Variants in PPP3CB observed in about 807,000 individuals in gnomAD.
The protein encoded by PPP3CB is serine/threonine-protein phosphatase 2B catalytic subunit beta isoform.
Under a neutral mutation model 66.4 loss-of-function variants are expected in PPP3CB, and 8 were observed. The observed-to-expected ratio is 0.12, with a 90% confidence interval of 0.07 to 0.22. PPP3CB has a LOEUF of 0.22. Ranked by LOEUF, PPP3CB falls within the 10% of genes least tolerant of loss-of-function variation. The pLI, the probability that PPP3CB is intolerant of heterozygous loss-of-function variation, is 1.00. For missense variants in PPP3CB, 319 were observed against 642.5 expected (o/e 0.50, Z 5.44); for synonymous variants, 208 against 221.2 (o/e 0.94, Z 0.53).
chr10:73,488,979 G>A (rs1032394944), intron 1 of PPP3CB, among the ~76,000 whole-genome samples: 10 of 152,178 alleles, frequency 6.6e-5, no homozygotes, highest in African/African-American at 2.2e-4. Context: ...ACTTGGGGTA[G>A]TTTCTTAATG....
At chr10:73,439,931 A>G (rs189514060) in intron 12 of PPP3CB, 30 bp from the exon 13 acceptor site, 15 of 1,604,926 alleles carry the variant, frequency 9.3e-6, no homozygotes, top group Non-Finnish European at 1.2e-5. Context: ...GGCATGCAAA[A>G]TGAATGAGAG....
intron 10 of PPP3CB, among the ~76,000 whole-genome samples, chr10:73,453,224 C>G (rs944069613): frequency 9.9e-5 from 15 of 152,206 alleles, no homozygotes; most frequent in Non-Finnish European, 1.9e-4. Flanking sequence ...TGGTAGTTCA[C>G]AGCTAAAACG....
At chr10:73,474,755 C>T (rs1190728379) in intron 4 of PPP3CB, among the ~76,000 whole-genome samples, 164 bp downstream of exon 4, 3 of 152,108 alleles carry the variant, frequency 2.0e-5, no homozygotes, top group Admixed American at 6.5e-5. Context: ...CTTCTTAATA[C>T]CATTAAACAC....
Position 73,439,580 on chromosome 10 carries a change from A to AGCTATACTGTATAGCATAACAT in PPP3CB, c.1396+270_1396+291dup, listed in dbSNP as rs549037023. ...TCCATTAAAACAGGCAACTTTATAAAGCTATACTGTATAGCATAACATGCT... is the reference window on the plus strand; with the variant it reads ...TCCATTAAAACAGGCAACTTTATAAAGCTATACTGTATAGCATAACATGCTATACTGTATAGCATAACATGCT... On this transcript the variant is annotated intron_variant, in intron 13 of 13. Coordinates refer to ENST00000360663, the MANE Select transcript of PPP3CB (RefSeq NM_021132.4). 1.5e-4 allele frequency among the ~76,000 whole-genome samples: 23 copies of AGCTATACTGTATAGCATAACAT among 152,328 alleles called. No individual in the cohort carries two copies. The South Asian group carries it at 4.8e-3, about 32-fold the overall frequency.
At chr10:73,490,536 A>AT (rs963088668) in intron 1 of PPP3CB, among the ~76,000 whole-genome samples, 2 of 152,178 alleles carry the variant, frequency 1.3e-5, no homozygotes, top group African/African-American at 4.8e-5. Flanking sequence ...TATAAAAAAC[A>AT]TTTTTTATGG....
chr10:73,440,910 T>C (rs1246782632), intron 12 of PPP3CB, among the ~76,000 whole-genome samples: 2 of 152,232 alleles, frequency 1.3e-5, no homozygotes, highest in African/African-American at 4.8e-5. Flanking sequence ...ATTCTTTTTT[T>C]CGCTCATTTC....
chr10:73,444,629 G>C, intron 12 of PPP3CB, 96 bp downstream of exon 12: 1 of 1,570,438 alleles, frequency 6.4e-7, no homozygotes, highest in Non-Finnish European at 8.6e-7. Flanking sequence ...CTAAAAAACA[G>C]AAGGAATTCC....
chr10:73,475,584 G>T (rs1009064311), intron 3 of PPP3CB, among the ~76,000 whole-genome samples: 1 of 152,140 alleles, frequency 6.6e-6, no homozygotes, highest in African/African-American at 2.4e-5. Flanking sequence ...TAAGCATTAT[G>T]CCATGCTGCC....
chr10:73,485,554 T>C (rs1056225758), intron 1 of PPP3CB, among the ~76,000 whole-genome samples: 1 of 152,332 alleles, frequency 6.6e-6, no homozygotes, highest in Non-Finnish European at 1.5e-5. Context: ...ATGCTTCCCA[T>C]CATTGCCATC....
chr10:73,457,742 A>AT (rs1308292964), intron 9 of PPP3CB, among the ~76,000 whole-genome samples: 2 of 151,896 alleles, frequency 1.3e-5, no homozygotes, highest in East Asian at 3.9e-4. Context: ...TGTCTCAAAA[A>AT]AAAAAAAAAA....
intron 10 of PPP3CB, among the ~76,000 whole-genome samples, chr10:73,453,863 A>ACTATAAACATG (rs2056383050): frequency 6.6e-6 from 1 of 152,234 alleles, no homozygotes; most frequent in Non-Finnish European, 1.5e-5. Flanking sequence ...TGCATTAGGT[A>ACTATAAACATG]CATAGGCTTG....
At chr10:73,490,386 TTTG>T (rs1364595865) in intron 1 of PPP3CB, among the ~76,000 whole-genome samples, 3 of 152,220 alleles carry the variant, frequency 2.0e-5, no homozygotes, top group Non-Finnish European at 2.9e-5. Context: ...ATTTTGTACT[TTTG>T]TTGTTCTCCT....
At chr10:73,462,949 C>CAAAAAAAA (rs10569079) in intron 9 of PPP3CB, among the ~76,000 whole-genome samples, 3 of 58,784 alleles carry the variant, frequency 5.1e-5, no homozygotes, top group Non-Finnish European at 8.4e-5. Flanking sequence ...GACTCTGTCT[C>CAAAAAAAA]AAAAAAAAAA....
At position 73,478,549 on chromosome 10, in the gene PPP3CB, G is replaced by C; in HGVS notation, c.361C>G (p.Arg121Gly). The C allele has an allele frequency of 6.2e-7, 1 of 1,609,282 alleles. No homozygotes were observed. The highest frequency in any genetic ancestry group is 8.5e-7 in the Non-Finnish European group (1 of 1,175,836). Reference protein sequence around the residue: ...FEVGGSPANTRYLFLGDYVDR... With the variant: ...FEVGGSPANTGYLFLGDYVDR... ...ACATAATCGCCAAGAAAAAGGTATC[G>C]TGTATTAGCAGGTGATCCTCCTACT... The change falls in exon 3 of 14, where the codon CGA becomes GGA. Residue 121 changes from arginine to glycine, a missense_variant. This residue lies in a region of PPP3CB where 51 missense variants were observed against 139.6 expected (regional missense o/e 0.37). Coordinates refer to ENST00000360663, the MANE Select transcript of PPP3CB (RefSeq NM_021132.4).
At chr10:73,471,719 T>C (rs2056704718) in intron 4 of PPP3CB, 106 bp from the exon 5 acceptor site, 1 of 836,752 alleles carries the variant, frequency 1.2e-6, no homozygotes, top group Non-Finnish European at 1.8e-6. Flanking sequence ...CCCTCCTTTA[T>C]ATCTTATAGC....
At chr10:73,452,500 A>G (rs2056362936) in intron 10 of PPP3CB, among the ~76,000 whole-genome samples, 1 of 152,110 alleles carries the variant, frequency 6.6e-6, no homozygotes, top group African/African-American at 2.4e-5. Context: ...GTTCGAGACA[A>G]GTTTGGCCAA....
intron 1 of PPP3CB, among the ~76,000 whole-genome samples, chr10:73,486,295 GTTTTTTT>G (rs1206671127): frequency 1.7e-5 from 2 of 117,794 alleles, no homozygotes; most frequent in East Asian, 2.9e-4. Context: ...GGCCAGACTG[GTTTTTTT>G]TTTTTTTTTT....
At chr10:73,467,750 A>C in intron 8 of PPP3CB, 72 bp from the exon 9 acceptor site, 1 of 1,393,186 alleles carries the variant, frequency 7.2e-7, no homozygotes, top group Non-Finnish European at 9.7e-7. Context: ...AAAATATAAA[A>C]TACATAAAAG....
At chr10:73,440,050 TAGAG>T (rs2056120862) in intron 12 of PPP3CB, 149 bp from the exon 13 acceptor site, 2 of 787,102 alleles carry the variant, frequency 2.5e-6, no homozygotes, top group South Asian at 1.7e-5. Context: ...GTACCCAAAT[TAGAG>T]AGCCCCATCC....
Sources: allele counts gnomAD v4.1 joint callset (sites outside exome capture counted in the v4.1 genomes callset), GRCh38; gene constraint gnomAD v4.1.1; regional missense constraint gnomAD v4.1.1; transcripts MANE v1.5; gene names NCBI Gene and HGNC (gene_info 2026-07-23, HGNC 2026-07-21).